RNF17: variants seen among roughly 807,000 people sequenced by gnomAD.
RNF17 encodes spermatogenesis associated 23.
RNF17 carries 31 observed loss-of-function variants against 200.5 expected under a neutral mutation model. The ratio of observed to expected loss-of-function variants is 0.15; its 90% CI spans 0.12 to 0.21. The LOEUF is 0.21. Ranked by LOEUF, RNF17 falls within the 10% of genes least tolerant of loss-of-function variation. The pLI, the probability that RNF17 is intolerant of heterozygous loss-of-function variation, is 1.00. For missense variants in RNF17, 1,628 were observed against 1,905.1 expected, an observed-to-expected ratio of 0.85 and a Z score of 2.71; for synonymous variants, 606 against 637.8, an observed-to-expected ratio of 0.95 and a Z score of 0.75.
chr13:24,789,451 A>G (rs763649674), intron 8 of RNF17, 27 bp downstream of exon 8: 6 of 1,430,020 alleles, frequency 4.2e-6, no homozygotes, highest in Admixed American at 1.7e-5. Context: ...TCAGGAGACC[A>G]TAACAAGTAT....
intron 18 of RNF17, among the ~76,000 whole-genome samples, chr13:24,835,312 G>GTAC (rs1889863266): frequency 6.6e-6 from 1 of 152,006 alleles, no homozygotes; most frequent in African/African-American, 2.4e-5. Flanking sequence ...GTTCCTCCTC[G>GTAC]TACTACCACA....
chr13:24,755,187 ACT>A, the RNF17 span, among the ~76,000 whole-genome samples: 1 of 152,200 alleles, frequency 6.6e-6, no homozygotes. Flanking sequence ...AACAATAAAC[ACT>A]GTTATGATAT....
chr13:24,871,586 C>T (rs973946860), intron 32 of RNF17, among the ~76,000 whole-genome samples: 1 of 151,492 alleles, frequency 6.6e-6, no homozygotes, highest in African/African-American at 2.4e-5. Context: ...GAACCGCCCA[C>T]CTTGACCAAA....
At chr13:24,754,801 CAGG>C in the RNF17 span, among the ~76,000 whole-genome samples, 2 of 151,574 alleles carry the variant, frequency 1.3e-5, no homozygotes, top group South Asian at 4.2e-4. Context: ...GAGGCTGAGG[CAGG>C]AGAATAGCTT....
chr13:24,876,905 A>T, intron 33 of RNF17, 92 bp from the exon 34 acceptor site: 1 of 1,030,880 alleles, frequency 9.7e-7, no homozygotes, highest in East Asian at 2.7e-5. Context: ...GCAAAATCCA[A>T]TGTTATGAAG....
At chr13:24,772,426 ATTTTTTTTTTTTT>A (rs34066913) in intron 2 of RNF17, among the ~76,000 whole-genome samples, 2 of 106,020 alleles carry the variant, frequency 1.9e-5, no homozygotes, top group African/African-American at 7.3e-5. Flanking sequence ...TTGAGTCTCC[ATTTTTTTTTTTTT>A]TTTTTTTTGT....
chr13:24,860,152 G>A (rs1218665862), intron 26 of RNF17, among the ~76,000 whole-genome samples: 1 of 151,534 alleles, frequency 6.6e-6, no homozygotes, highest in Non-Finnish European at 1.5e-5. Flanking sequence ...TATGTGCAAA[G>A]TGACATACAT....
intron 22 of RNF17, among the ~76,000 whole-genome samples, chr13:24,849,185 T>TTATTGGTTAATTAACCAA (rs1593424626): frequency 6.6e-6 from 1 of 152,164 alleles, no homozygotes; most frequent in East Asian, 1.9e-4. Flanking sequence ...GAATTAATTG[T>TTATTGGTTAATTAACCAA]TTACTCAGTT....
intron 16 of RNF17, 40 bp from the exon 17 acceptor site, chr13:24,830,444 G>C (rs368878817): frequency 1.3e-5 from 16 of 1,275,594 alleles, no homozygotes; most frequent in African/African-American, 3.0e-5. Context: ...AGATAATTCT[G>C]TTTCCAAGTT....
rs576494741 is a variant in RNF17, at chr13:24,873,887, CA to C, written c.4448-226del. ...CATGTTGCTGCAAATAACAGGATTC[CA>C]TTCTTTTTTATGGCCAAATAGTATT... is the stretch of plus-strand genomic sequence containing the variant. On this transcript the variant is annotated intron_variant, in intron 32 of 35. Transcript: ENST00000255324. 6.8e-4 allele frequency among the ~76,000 whole-genome samples: 104 copies of C among 152,274 alleles called. 2 individuals are homozygous for C. In the South Asian group the frequency reaches 0.022, roughly 32 times the overall value.
intron 18 of RNF17, among the ~76,000 whole-genome samples, chr13:24,841,096 T>G (rs1890588957): frequency 6.6e-6 from 1 of 152,218 alleles, no homozygotes; most frequent in African/African-American, 2.4e-5. Flanking sequence ...TTCAGATACT[T>G]ATTGACCAAT....
At chr13:24,856,520 A>G (rs566557742) in intron 25 of RNF17, among the ~76,000 whole-genome samples, 1 of 152,244 alleles carries the variant, frequency 6.6e-6, no homozygotes, top group African/African-American at 2.4e-5. Context: ...TTTTACATAA[A>G]GTCTTTAAGC....
intron 18 of RNF17, among the ~76,000 whole-genome samples, chr13:24,834,984 G>T (rs4489851): frequency 0.23 from 35,045 of 152,122 alleles, 4,509 homozygotes; most frequent in Non-Finnish European, 0.29. Flanking sequence ...CTGATGGGGG[G>T]AACACAGTGG....
At chr13:24,807,885 C>G (rs1334071162) in intron 15 of RNF17, among the ~76,000 whole-genome samples, 39 of 151,352 alleles carry the variant, frequency 2.6e-4, no homozygotes, top group Non-Finnish European at 4.7e-4. Flanking sequence ...TTTCCCAGCA[C>G]CATTTATTAA....
chr13:24,767,228 A>ATCG (rs35223811), intron 1 of RNF17, 44 bp from the exon 2 acceptor site: 1 of 1,276,104 alleles, frequency 7.8e-7, no homozygotes, highest in South Asian at 1.3e-5. Context: ...TGTCTCAATA[A>ATCG]TCATCATCAT....
chr13:24,778,176 C>A, intron 3 of RNF17, 119 bp from the exon 4 acceptor site: 1 of 626,916 alleles, frequency 1.6e-6, no homozygotes, highest in Non-Finnish European at 2.8e-6. Flanking sequence ...GTGGGATGAT[C>A]GCTGGAGCCT....
chr13:24,871,136 C>T (rs1018916807), intron 32 of RNF17, among the ~76,000 whole-genome samples: 5 of 152,188 alleles, frequency 3.3e-5, no homozygotes, highest in African/African-American at 1.2e-4. Flanking sequence ...CAAAGTATGA[C>T]CTGTTCTGTC....
intron 18 of RNF17, among the ~76,000 whole-genome samples, chr13:24,840,335 A>C (rs1890484533): frequency 2.0e-5 from 3 of 152,184 alleles, no homozygotes; most frequent in Admixed American, 1.3e-4. Context: ...AAAGAACTAA[A>C]AGTAGAACTA....
intron 18 of RNF17, among the ~76,000 whole-genome samples, chr13:24,839,945 A>G (rs923803545): frequency 1.3e-5 from 2 of 152,222 alleles, no homozygotes; most frequent in African/African-American, 4.8e-5. Flanking sequence ...GTAAACAGAC[A>G]ACCCACAGAG....
Sources: allele counts gnomAD v4.1 joint callset (sites outside exome capture counted in the v4.1 genomes callset), GRCh38; gene constraint gnomAD v4.1.1; transcripts MANE v1.5; gene names NCBI Gene and HGNC (gene_info 2026-07-23, HGNC 2026-07-21).